Variants in SMARCA4 observed in about 807,000 individuals in gnomAD.
SMARCA4 encodes the protein SWI/SNF related BAF chromatin remodeling complex subunit ATPase 4, also known as SWI/SNF-related matrix-associated actin-dependent regulator of chromatin subfamily A member 4.
In SMARCA4, 31 loss-of-function variants were observed where a neutral mutation model predicts 193.9. That is an observed-to-expected ratio of 0.16 (90% CI 0.12 to 0.22). The LOEUF (loss-of-function observed/expected upper bound fraction) is 0.22, where lower values mean the gene tolerates loss of function less well. Among genes scored for constraint, SMARCA4 ranks in the 10% least tolerant of loss-of-function variants. The probability of loss-of-function intolerance (pLI) is 1.00; values close to 1 mark genes in which losing one functional copy is unlikely to be tolerated. For missense variants in SMARCA4, 1,148 were observed against 2,296.0 expected, an observed-to-expected ratio of 0.50 and a Z score of 10.22; for synonymous variants, 942 against 933.1, an observed-to-expected ratio of 1.01 and a Z score of -0.17.
chr19:10,991,683 G>C (rs2086574931), intron 8 of SMARCA4, among the ~76,000 whole-genome samples: 1 of 152,206 alleles, frequency 6.6e-6, no homozygotes, highest in Admixed American at 6.5e-5. Context: ...AGATCTGTGG[G>C]AAAGAGCTTT....
intron 22 of SMARCA4, among the ~76,000 whole-genome samples, chr19:11,026,059 G>A (rs1268482399): frequency 6.6e-6 from 1 of 152,210 alleles, no homozygotes; most frequent in African/African-American, 2.4e-5. Context: ...GTGCATTCAG[G>A]GTGTGAAGAG....
intron 14 of SMARCA4, among the ~76,000 whole-genome samples, chr19:11,008,535 G>A (rs1000802552): frequency 2.6e-5 from 4 of 152,140 alleles, no homozygotes; most frequent in African/African-American, 4.8e-5. Context: ...GTCATACTGC[G>A]TCACGTTATA....
chr19:10,974,020 T>C (rs918983994), intron 1 of SMARCA4, among the ~76,000 whole-genome samples: 1 of 152,224 alleles, frequency 6.6e-6, no homozygotes, highest in African/African-American at 2.4e-5. Flanking sequence ...GGTCTGCTGC[T>C]GAAATGTGTC....
intron 1 of SMARCA4, among the ~76,000 whole-genome samples, chr19:10,964,064 G>A (rs1181209568): frequency 6.6e-6 from 1 of 152,226 alleles, no homozygotes; most frequent in Non-Finnish European, 1.5e-5. Context: ...CTTTTGAGCA[G>A]GGGAGGTGAT....
At chr19:11,014,662 C>T (rs1353081643) in intron 16 of SMARCA4, among the ~76,000 whole-genome samples, 3 of 152,130 alleles carry the variant, frequency 2.0e-5, no homozygotes, top group African/African-American at 4.8e-5. Flanking sequence ...CCCGATTTTC[C>T]CTCCTTTCAC....
At position 11,010,374 on chromosome 19, in the gene SMARCA4, C is replaced by T. The variant is rs1327774042; in HGVS notation, c.2124-7C>T. On this transcript the variant is annotated splice_region_variant and splice_polypyrimidine_tract_variant and intron_variant, in intron 14 of 34. Transcript: ENST00000344626. ...GTCCTTACCCGGCACCTCCATCTCA[C>T]TCCCAGGAATGCCAAGCAAGATGTC... The T allele has an allele frequency of 3.7e-6, 6 of 1,613,874 alleles. No individual in the cohort carries two copies. Among genetic ancestry groups the T allele is most frequent in the Non-Finnish European group, 5.1e-6 (6 of 1,180,006 alleles).
chr19:11,050,966 G>A (rs1292892815), intron 30 of SMARCA4, among the ~76,000 whole-genome samples: 4 of 152,262 alleles, frequency 2.6e-5, no homozygotes, highest in Admixed American at 6.5e-5. Context: ...AGGGCACCGA[G>A]CAGATGAGCC....
In SMARCA4 at chr19:11,034,595, C is replaced by A. The variant is rs983784591; in HGVS notation, c.3952-319C>A. Among the ~76,000 whole-genome samples the A allele has an allele frequency of 6.6e-6, 1 of 152,180 alleles. No individual in the cohort carries two copies. Among genetic ancestry groups the A allele is most frequent in the Admixed American group, 6.5e-5 (1 of 15,292 alleles). On this transcript the variant is annotated intron_variant, in intron 28 of 34. Transcript: ENST00000344626. This position sits in a 1 kb window ranked among gnomAD's most constrained non-coding sequence, Gnocchi z 7.0. Reference sequence around the variant, plus strand: ...AGGAAATAAGCCACCCAAGCAGGGGCCCCTTGGCCCGCAGGCCTCATGCCT... The same window carrying A: ...AGGAAATAAGCCACCCAAGCAGGGGACCCTTGGCCCGCAGGCCTCATGCCT...
intron 30 of SMARCA4, among the ~76,000 whole-genome samples, chr19:11,044,607 C>A (rs189076912): frequency 1.5e-3 from 223 of 152,318 alleles, no homozygotes; most frequent in Non-Finnish European, 2.6e-3. Flanking sequence ...CAGCACCCGC[C>A]CCAGAACGGC....
At position 11,058,578 on chromosome 19, in the gene SMARCA4, G is replaced by C. The variant is rs543009811; in HGVS notation, c.4534-210G>C. 2.0e-5 allele frequency among the ~76,000 whole-genome samples: 3 copies of C among 152,248 alleles called. No homozygotes were observed. The highest frequency in any genetic ancestry group is 7.2e-5 in the African/African-American group (3 of 41,542). ...GGGATGTCAGTGGGCAGTCGGTGTTGGGTGTTCCTTCAAGGTCCCACTCAC... is the reference window on the plus strand; with the variant it reads ...GGGATGTCAGTGGGCAGTCGGTGTTCGGTGTTCCTTCAAGGTCCCACTCAC... On this transcript the variant is annotated intron_variant, in intron 31 of 34. Transcript: ENST00000344626. The surrounding 1 kb of genome is among the most constrained non-coding windows in gnomAD (Gnocchi z 5.8).
intron 1 of SMARCA4, among the ~76,000 whole-genome samples, chr19:10,967,948 C>T (rs2084367286): frequency 6.6e-6 from 1 of 151,888 alleles, no homozygotes. Flanking sequence ...ACGATCTTGG[C>T]TCACTGCAAT....
At chr19:11,042,037 C>G (rs1184795064) in intron 30 of SMARCA4, among the ~76,000 whole-genome samples, 1 of 152,128 alleles carries the variant, frequency 6.6e-6, no homozygotes, top group South Asian at 2.1e-4. Flanking sequence ...AGTGGCAGCC[C>G]TCTCCTGTCC....
chr19:10,984,822 C>T lies in SMARCA4; in HGVS notation c.222+449C>T, dbSNP rs767446771. On this transcript the variant is annotated intron_variant, in intron 2 of 34. Transcript: ENST00000344626. This position sits in a 1 kb window ranked among gnomAD's most constrained non-coding sequence, Gnocchi z 4.3. ...CCCTCAGCCACTGTCTTTACCTCAC[C>T]TGCGCTGAGCAGGGCCTTCAGTCAG... 1.1e-3 allele frequency among the ~76,000 whole-genome samples: 161 copies of T among 152,364 alleles called. No individual in the cohort carries two copies. The highest frequency in any genetic ancestry group is 2.0e-3 in the Non-Finnish European group (133 of 68,030).
intron 30 of SMARCA4, among the ~76,000 whole-genome samples, chr19:11,044,796 A>T (rs548424912): frequency 2.9e-4 from 44 of 152,306 alleles, no homozygotes; most frequent in African/African-American, 1.0e-3. Context: ...AGCAGCCTGC[A>T]GCCCTCGTTC....
intron 1 of SMARCA4, among the ~76,000 whole-genome samples, chr19:10,971,944 AC>A (rs745312819): frequency 2.7e-5 from 4 of 147,306 alleles, no homozygotes; most frequent in Non-Finnish European, 4.5e-5. Context: ...GTGCACCACC[AC>A]GCTTGGCTAA....
At chr19:11,061,196 AAAAAAAAAATATATATAT>A (rs1189650314) in intron 34 of SMARCA4, among the ~76,000 whole-genome samples, 2 of 85,914 alleles carry the variant, frequency 2.3e-5, no homozygotes, top group Non-Finnish European at 2.3e-5. Context: ...TTTAAAAAAA[AAAAAAAAAATATATATAT>A]ATATATATAT....
chr19:11,000,587 A>G (rs1386958811), intron 11 of SMARCA4, among the ~76,000 whole-genome samples: 1 of 151,674 alleles, frequency 6.6e-6, no homozygotes, highest in Non-Finnish European at 1.5e-5. Context: ...AGGACTCAAG[A>G]AAAAAGTAAT....
intron 1 of SMARCA4, among the ~76,000 whole-genome samples, chr19:10,973,151 G>T (rs932547557): frequency 1.2e-4 from 18 of 152,194 alleles, no homozygotes; most frequent in African/African-American, 4.3e-4. Flanking sequence ...GTTCCACAGG[G>T]AGCGTGGGTC....
rs551585763 is a variant in SMARCA4, at chr19:11,030,497, G to A, written c.3383-233G>A. On this transcript the variant is annotated intron_variant, in intron 24 of 34. Transcript: ENST00000344626. This position sits in a 1 kb window ranked among gnomAD's most constrained non-coding sequence, Gnocchi z 5.5. ...AGGCCCACCTCCTCTAGTTCTCCCA[G>A]CGGGGCCTGTTTTCATTTCTGGGAT... Among the ~76,000 whole-genome samples the A allele has an allele frequency of 6.6e-5, 10 of 152,336 alleles. No homozygotes were observed. The East Asian group carries it at 1.9e-3, about 29-fold the overall frequency.
Sources: gnomAD v4.1 joint callset for allele counts (sites outside exome capture counted in the v4.1 genomes callset) on GRCh38, gnomAD v4.1.1 for gene constraint, Gnocchi (gnomAD v3.1) non-coding constraint, MANE v1.5 for transcripts, NCBI Gene and HGNC (gene_info 2026-07-23, HGNC 2026-07-21) for gene names.